Variants in MSX2 observed in about 807,000 individuals in gnomAD.
The protein encoded by MSX2 is msh homeobox 2, also known as homeobox protein MSX-2.
A neutral mutation model predicts 18.4 loss-of-function variants in MSX2; 10 were observed. The ratio of observed to expected loss-of-function variants is 0.54; its 90% CI spans 0.34 to 0.92. MSX2 has a LOEUF of 0.92. Among genes scored for constraint, MSX2 ranks in the 40% least tolerant of loss-of-function variants. The pLI is 0.02. For synonymous variants in MSX2, 170 were observed against 165.6 expected (o/e 1.03, Z -0.20); for missense variants, 339 against 364.0 (o/e 0.93, Z 0.56).
Position 174,729,272 on chromosome 5 carries a change from C to G in MSX2, c.493C>G (p.Gln165Glu). The G allele has an allele frequency of 6.2e-7, 1 of 1,614,180 alleles. No homozygotes were observed. The highest frequency in any genetic ancestry group is 1.6e-4 in the Middle Eastern group (1 of 6,062). Residue 165 changes from glutamine (Q) to glutamate (E), a missense_variant, in exon 2 of 2, where the codon CAG becomes GAG. Transcript: ENST00000239243. ...LALERKFRQKQYLSIAERAEF... is the reference protein window; with the variant it reads ...LALERKFRQKEYLSIAERAEF... ...CCTGGAGCGCAAGTTCCGTCAGAAA[C>G]AGTACCTCTCCATTGCAGAGCGTGC...
chr5:174,728,987 G>T lies in MSX2; in HGVS notation c.380-172G>T, dbSNP rs1581519827. On this transcript the variant is annotated intron_variant, in intron 1 of 1. Coordinates refer to ENST00000239243, the MANE Select transcript of MSX2 (RefSeq NM_002449.5). ...TAGATATGTGTGTGTGTGTGTGTGT[G>T]TGTGTGTGTATATGTATGTATATAT... 3.4e-5 allele frequency among the ~76,000 whole-genome samples: 5 copies of T among 147,078 alleles called. 1 individual carries two copies. Among genetic ancestry groups the T allele is most frequent in the African/African-American group, 1.3e-4 (5 of 39,684 alleles).
rs775044825 is a variant in MSX2, at chr5:174,729,519, T to C, written c.740T>C (p.Leu247Pro). 1.9e-6 allele frequency: 3 copies of C among 1,613,890 alleles called. No homozygotes were observed. The highest frequency in any genetic ancestry group is 2.5e-6 in the Non-Finnish European group (3 of 1,179,874). Residue 247 changes from leucine to proline, a missense_variant, in exon 2 of 2, where the codon CTT (leucine) becomes CCT (proline). Around this residue, in one of 2 missense-constraint regions of MSX2, gnomAD observed 128 missense variants for 178.6 expected, o/e 0.72. Coordinates refer to ENST00000239243, the MANE Select transcript of MSX2 (RefSeq NM_002449.5). ...TCCTACCCGTTCCATAGACCTGTGC[T>C]TCCCATCCCGCCTGTGGGACTCTAT... ...GASYPFHRPV[L>P]PIPPVGLYAT...
Position 174,730,692 on chromosome 5 carries a change from A to G in MSX2, c.*1109A>G, listed in dbSNP as rs1760911660. On this transcript the variant is annotated 3_prime_UTR_variant, in exon 2 of 2. Coordinates refer to ENST00000239243, the MANE Select transcript of MSX2 (RefSeq NM_002449.5). ...GGGCAGAAGGTAAAGCCATGTTTTGACTTGGTGAAAATGGGATTGTCAAAC... is the reference window on the plus strand; with the variant it reads ...GGGCAGAAGGTAAAGCCATGTTTTGGCTTGGTGAAAATGGGATTGTCAAAC... 1 of 152,528 alleles carries G rather than the reference A, an allele frequency of 6.6e-6. No homozygotes were observed. The highest frequency in any genetic ancestry group is 2.4e-5 in the African/African-American group (1 of 41,426). 9.4% of individuals were successfully genotyped at this position (152,528 alleles called of 1,614,324 possible).
chr5:174,726,466 A>T (rs1760799902), intron 1 of MSX2, among the ~76,000 whole-genome samples: 1 of 151,836 alleles, frequency 6.6e-6, no homozygotes. Flanking sequence ...AAGTTTGGAT[A>T]GTGCTTTATA....
rs907900872 is a variant in MSX2 at position 174,724,751 on chromosome 5, C to G, written c.92C>G (p.Ala31Gly). ...VAGPGPGPGG[A>G]EGAAEERRVK... ...GGACCAGGCCCGGGGCCTGGGGGCG[C>G]CGAGGGGGCCGCGGAGGAGCGCCGC... The change falls in exon 1 of 2, where the codon GCC becomes GGC. Residue 31 changes from alanine (A) to glycine (G), a missense_variant. Around this residue, in one of 2 missense-constraint regions of MSX2, gnomAD observed 211 missense variants for 185.4 expected, o/e 1.14. Coordinates refer to ENST00000239243, the MANE Select transcript of MSX2 (RefSeq NM_002449.5). 6 of 1,569,600 alleles carry G rather than the reference C, an allele frequency of 3.8e-6. No individual in the cohort carries two copies. The highest frequency in any genetic ancestry group is 5.2e-6 in the Non-Finnish European group (6 of 1,158,268).
At chr5:174,726,316 G>A (rs1200408609) in intron 1 of MSX2, among the ~76,000 whole-genome samples, 2 of 152,076 alleles carry the variant, frequency 1.3e-5, no homozygotes, top group East Asian at 1.9e-4. Flanking sequence ...AAGACTAGAC[G>A]CACTGTATTT....
intron 1 of MSX2, among the ~76,000 whole-genome samples, chr5:174,728,427 T>G (rs79805819): frequency 1.3e-5 from 2 of 152,244 alleles, no homozygotes; most frequent in Non-Finnish European, 2.9e-5. Flanking sequence ...CAATGACAGC[T>G]TGTGACTGTT....
chr5:174,729,544 T>C lies in MSX2; in HGVS notation c.765T>C (p.Tyr255=). The change falls in exon 2 of 2, where the codon TAT becomes TAC. Residue 255 remains tyrosine (Y), a synonymous_variant. Transcript: ENST00000239243. ...PVLPIPPVGL[Y]ATPVGYGMYH... is the part of the protein sequence containing the mutation. ...TTCCCATCCCGCCTGTGGGACTCTA[T>C]GCCACGCCAGTGGGATATGGCATGT... 1 of 1,613,368 alleles carries C rather than the reference T, an allele frequency of 6.2e-7. No homozygotes were observed. Among genetic ancestry groups the C allele is most frequent in the Non-Finnish European group, 8.5e-7 (1 of 1,179,868 alleles).
chr5:174,726,440 C>CA (rs1760799524), intron 1 of MSX2, among the ~76,000 whole-genome samples: 2 of 152,138 alleles, frequency 1.3e-5, no homozygotes, highest in South Asian at 4.1e-4. Context: ...TTAAGGGACT[C>CA]AAAGAATTTA....
intron 1 of MSX2, among the ~76,000 whole-genome samples, chr5:174,725,391 C>T (rs1003803610): frequency 2.0e-5 from 3 of 152,200 alleles, no homozygotes; most frequent in Non-Finnish European, 2.9e-5. Flanking sequence ...TTTTGTTTCA[C>T]TGTTCCCCGG....
chr5:174,728,189 A>G lies in MSX2; in HGVS notation c.380-970A>G, dbSNP rs577592771. 7.9e-5 allele frequency among the ~76,000 whole-genome samples: 12 copies of G among 152,302 alleles called. No homozygotes were observed. The South Asian group carries it at 2.5e-3, about 32-fold the overall frequency. On this transcript the variant is annotated intron_variant, in intron 1 of 1. Transcript: ENST00000239243. ...TTTCCCCCTGACAAACAAATCATTT[A>G]CACATTTGCCCGAAGCCATAGAATG... is the stretch of plus-strand genomic sequence containing the variant.
chr5:174,729,223 C>G lies in MSX2; in HGVS notation c.444C>G (p.Pro148=), dbSNP rs200762790. The G allele has an allele frequency of 4.3e-6, 7 of 1,614,072 alleles. No individual in the cohort carries two copies. Among genetic ancestry groups the G allele is most frequent in the Non-Finnish European group, 5.9e-6 (7 of 1,180,048 alleles). ...KHKTNRKPRT[P]FTTSQLLALE... ...AGACCAATCGGAAGCCGCGCACGCC[C>G]TTTACCACATCCCAGCTCCTCGCCC... Residue 148 remains proline (P), a synonymous_variant, in exon 2 of 2, where the codon CCC becomes CCG. Transcript: ENST00000239243.
intron 1 of MSX2, among the ~76,000 whole-genome samples, chr5:174,728,678 A>G (rs1760854654): frequency 6.6e-6 from 1 of 152,210 alleles, no homozygotes; most frequent in African/African-American, 2.4e-5. Flanking sequence ...TTTAAAGAGA[A>G]GATAAATTAT....
chr5:174,728,829 T>C (rs755764918), intron 1 of MSX2, among the ~76,000 whole-genome samples: 12 of 152,164 alleles, frequency 7.9e-5, no homozygotes, highest in Non-Finnish European at 1.5e-4. Flanking sequence ...CCAAAACTTT[T>C]CTTAAAAAAC....
chr5:174,724,845 G>T lies in MSX2; in HGVS notation c.186G>T (p.Ala62=). 6.4e-7 allele frequency: 1 copy of T among 1,551,540 alleles called. No individual in the cohort carries two copies. The highest frequency in any genetic ancestry group is 8.7e-7 in the Non-Finnish European group (1 of 1,147,872). Reference sequence around the variant, plus strand: ...CCGACAAGAAGCCGCCCAAGGAGGCGTCCCCGCTGCCGGCCGAAAGCGCCT... The same window carrying T: ...CCGACAAGAAGCCGCCCAAGGAGGCTTCCCCGCTGCCGGCCGAAAGCGCCT... The part of the protein sequence containing the change: ...LMSDKKPPKE[A]SPLPAESASA... The change falls in exon 1 of 2, where the codon GCG becomes GCT. Residue 62 remains alanine (A), a synonymous_variant. Transcript: ENST00000239243.
intron 1 of MSX2, among the ~76,000 whole-genome samples, chr5:174,728,688 T>C (rs1307476672): frequency 6.6e-6 from 1 of 152,226 alleles, no homozygotes; most frequent in Non-Finnish European, 1.5e-5. Context: ...AGATAAATTA[T>C]GCTCAGAAGA....
intron 1 of MSX2, among the ~76,000 whole-genome samples, chr5:174,725,782 T>C (rs1255486140): frequency 6.6e-6 from 1 of 152,144 alleles, no homozygotes; most frequent in African/African-American, 2.4e-5. Context: ...CAGCAGGGCT[T>C]GAGAGTTTGC....
rs1252363503 is a variant in MSX2 at position 174,730,632 on chromosome 5, A to C, written c.*1049A>C. On this transcript the variant is annotated 3_prime_UTR_variant, in exon 2 of 2. Coordinates refer to ENST00000239243, the MANE Select transcript of MSX2 (RefSeq NM_002449.5). The stretch of plus-strand genomic sequence containing the variant: ...TGTACCTGTTGTATGTCCTAAACTT[A>C]TTAGAAAATTTTATATACTTTTTTA... The C allele has an allele frequency of 1.3e-5, 2 of 152,550 alleles. No homozygotes were observed. The highest frequency in any genetic ancestry group is 2.9e-5 in the Non-Finnish European group (2 of 68,038). The allele number at this position is 152,550 out of a possible 1,614,324, so 9.4% of individuals were successfully genotyped here.
At chr5:174,727,834 C>T (rs1431749911) in intron 1 of MSX2, among the ~76,000 whole-genome samples, 2 of 152,110 alleles carry the variant, frequency 1.3e-5, no homozygotes, top group African/African-American at 4.8e-5. Flanking sequence ...GCTGTGTCAC[C>T]CTCAAGTATG....
Sources: gnomAD v4.1 joint callset for allele counts (sites outside exome capture counted in the v4.1 genomes callset) on GRCh38, gnomAD v4.1.1 for gene constraint, gnomAD v4.1.1 regional missense constraint, MANE v1.5 for transcripts, NCBI Gene and HGNC (gene_info 2026-07-23, HGNC 2026-07-21) for gene names.